The following SLC27A6 variants were observed in gnomAD, a reference collection of about 807,000 sequenced individuals.
The protein encoded by SLC27A6 is solute carrier family 27 member 6.
Under a neutral mutation model 63.9 loss-of-function variants are expected in SLC27A6, and 74 were observed. The ratio of observed to expected loss-of-function variants is 1.16; its 90% CI spans 0.96 to 1.40. SLC27A6 has a LOEUF of 1.40. Ranked by LOEUF, SLC27A6 falls within the 40% of genes most tolerant of loss-of-function variation. The probability of loss-of-function intolerance (pLI) is 0.00; values close to 1 mark genes in which losing one functional copy is unlikely to be tolerated. For synonymous variants in SLC27A6, 287 were observed against 260.8 expected (o/e 1.10, Z -0.97); for missense variants, 794 against 732.9 (o/e 1.08, Z -0.96).
At chr5:129,023,332 G>A (rs1752135659) in intron 5 of SLC27A6, among the ~76,000 whole-genome samples, 3 of 152,168 alleles carry the variant, frequency 2.0e-5, no homozygotes, top group Admixed American at 2.0e-4. Context: ...TGCCTGGATT[G>A]TTTCAGTATC....
At chr5:128,973,839 C>G (rs763696154) in intron 1 of SLC27A6, among the ~76,000 whole-genome samples, 2 of 152,228 alleles carry the variant, frequency 1.3e-5, no homozygotes, top group South Asian at 2.1e-4. Context: ...GCAGAAATCA[C>G]CTGTCTTCTG....
chr5:128,972,963 T>G (rs35791995), intron 1 of SLC27A6, among the ~76,000 whole-genome samples: 37,024 of 152,212 alleles, frequency 0.24, 5,187 homozygotes, highest in Non-Finnish European at 0.31. Flanking sequence ...GTGGATGTCC[T>G]TTTTGTTGGT....
At chr5:129,011,778 T>C (rs907082436) in intron 4 of SLC27A6, among the ~76,000 whole-genome samples, 2 of 152,188 alleles carry the variant, frequency 1.3e-5, no homozygotes, top group Admixed American at 1.3e-4. Context: ...AACCTGCCCT[T>C]TCTTTATATC....
Position 129,017,197 on chromosome 5 carries a change from G to GT in SLC27A6, c.1164+1119dup, listed in dbSNP as rs561496255. ...TTACAAAAGTTACTGGGCCAGTTAG[G>GT]TAATTCCAACAAATTTCAAAGGATT... On this transcript the variant is annotated intron_variant, in intron 5 of 9. Coordinates refer to ENST00000262462, the MANE Select transcript of SLC27A6 (RefSeq NM_001017372.3). Among the ~76,000 whole-genome samples, 165 of 152,094 alleles carry GT rather than the reference G, an allele frequency of 1.1e-3. 1 individual carries two copies. The highest frequency in any genetic ancestry group is 6.8e-3 in the Middle Eastern group (2 of 294).
Position 128,966,608 on chromosome 5 carries a change from G to C in SLC27A6, c.471G>C (p.Val157=). 3 of 1,521,800 alleles carry C rather than the reference G, an allele frequency of 2.0e-6. No homozygotes were observed. Among genetic ancestry groups the C allele is most frequent in the African/African-American group, 1.4e-5 (1 of 72,278 alleles). 94.3% of individuals were successfully genotyped at this position (1,521,800 alleles called of 1,614,324 possible). Residue 157 remains valine, a synonymous_variant, in exon 1 of 10, where the codon GTG becomes GTC. Transcript: ENST00000262462. ...CIRACGPRAL[V]VGADLLGTVE... is the part of the protein sequence containing the mutation. ...GCGCCTGTGGGCCCAGAGCCCTAGT[G>C]GTGGGCGCAGGTAGAGTATGGGGTG...
chr5:129,025,531 A>G (rs939896830), intron 6 of SLC27A6, among the ~76,000 whole-genome samples: 6 of 151,944 alleles, frequency 3.9e-5, no homozygotes, highest in East Asian at 1.9e-4. Context: ...CAGTTTTTTC[A>G]CCTTAAAATG....
chr5:128,983,606 A>G lies in SLC27A6; in HGVS notation c.482-1527A>G, dbSNP rs142784058. ...CACCGGGCCTGGCCAATCTGTATCT[A>G]TTTTACATTTAGCACCATTATTTTT... On this transcript the variant is annotated intron_variant, in intron 1 of 9. Transcript: ENST00000262462. Among the ~76,000 whole-genome samples the G allele has an allele frequency of 1.6e-3, 244 of 151,986 alleles. 2 individuals are homozygous for G. The highest frequency in any genetic ancestry group is 4.8e-3 in the African/African-American group (199 of 41,498).
chr5:128,991,243 G>A lies in SLC27A6; in HGVS notation c.969+779G>A, dbSNP rs559441708. ...ACCTGATTGGCCGGGTGTGAGCTGA[G>A]TTACAAGCCCCATGTTTAAAGGTAG... is the stretch of plus-strand genomic sequence containing the variant. On this transcript the variant is annotated intron_variant, in intron 4 of 9. Coordinates refer to ENST00000262462, the MANE Select transcript of SLC27A6 (RefSeq NM_001017372.3). 6.0e-4 allele frequency among the ~76,000 whole-genome samples: 91 copies of A among 152,288 alleles called. 1 individual carries two copies. The highest frequency in any genetic ancestry group is 2.1e-3 in the African/African-American group (87 of 41,564).
At chr5:129,023,185 G>A (rs1210579460) in intron 5 of SLC27A6, among the ~76,000 whole-genome samples, 1 of 151,706 alleles carries the variant, frequency 6.6e-6, no homozygotes, top group Non-Finnish European at 1.5e-5. Flanking sequence ...GATACTGTGA[G>A]GAAAAAATAA....
intron 4 of SLC27A6, among the ~76,000 whole-genome samples, chr5:129,007,740 A>G (rs985285666): frequency 1.1e-4 from 17 of 152,068 alleles, no homozygotes; most frequent in Non-Finnish European, 1.9e-4. Flanking sequence ...ATCCATAAAA[A>G]TATTTACAAC....
rs951864843 is a variant in SLC27A6, at chr5:128,966,054, C to T, written c.-84C>T. 91 of 1,475,590 alleles carry T rather than the reference C, an allele frequency of 6.2e-5. No individual in the cohort carries two copies. Among genetic ancestry groups the T allele is most frequent in the Non-Finnish European group, 7.0e-5 (77 of 1,107,340 alleles). The allele number at this position is 1,475,590 out of a possible 1,614,324, so 91.4% of individuals were successfully genotyped here. On this transcript the variant is annotated 5_prime_UTR_variant, in exon 1 of 10. Coordinates refer to ENST00000262462, the MANE Select transcript of SLC27A6 (RefSeq NM_001017372.3). Reference sequence around the variant, plus strand: ...GTAAGCCCTGAGTAGTGAGGATCTGCGGTCTCCGTGGAGAGCTGTGCCTGG... The same window carrying T: ...GTAAGCCCTGAGTAGTGAGGATCTGTGGTCTCCGTGGAGAGCTGTGCCTGG...
chr5:128,987,884 A>G (rs1750844726), intron 2 of SLC27A6, among the ~76,000 whole-genome samples: 1 of 152,172 alleles, frequency 6.6e-6, no homozygotes. Context: ...TTTTGTTTTC[A>G]AATTCAAAAA....
chr5:128,975,088 C>T (rs879760836), intron 1 of SLC27A6, among the ~76,000 whole-genome samples: 17 of 152,184 alleles, frequency 1.1e-4, no homozygotes, highest in South Asian at 2.1e-4. Flanking sequence ...TGGTGGCTCA[C>T]GCCTGTAATC....
chr5:129,019,490 G>A lies in SLC27A6; in HGVS notation c.1164+3411G>A, dbSNP rs889900501. Among the ~76,000 whole-genome samples, 3 of 151,706 alleles carry A rather than the reference G, an allele frequency of 2.0e-5. No homozygotes were observed. The East Asian group carries it at 5.8e-4, about 29-fold the overall frequency. ...AAGGCAGCTGGAAAAAAAAATGAATGCACATCAAAATAGTAAGTTCCCCAA... is the reference window on the plus strand; with the variant it reads ...AAGGCAGCTGGAAAAAAAAATGAATACACATCAAAATAGTAAGTTCCCCAA... On this transcript the variant is annotated intron_variant, in intron 5 of 9. Coordinates refer to ENST00000262462, the MANE Select transcript of SLC27A6 (RefSeq NM_001017372.3).
intron 4 of SLC27A6, among the ~76,000 whole-genome samples, chr5:129,007,299 C>T (rs567914814): frequency 8.6e-5 from 13 of 151,704 alleles, no homozygotes; most frequent in African/African-American, 2.9e-4. Flanking sequence ...CAAAAATTAG[C>T]CAGGTGTGGT....
At chr5:128,996,278 G>C (rs1176094191) in intron 4 of SLC27A6, among the ~76,000 whole-genome samples, 1 of 151,984 alleles carries the variant, frequency 6.6e-6, no homozygotes, top group Non-Finnish European at 1.5e-5. Context: ...TCAAGGCATA[G>C]TCTATACTTA....
intron 4 of SLC27A6, among the ~76,000 whole-genome samples, chr5:129,011,788 C>T (rs895172558): frequency 6.6e-6 from 1 of 152,058 alleles, no homozygotes; most frequent in Non-Finnish European, 1.5e-5. Context: ...TTCTTTATAT[C>T]TGAGAAAGAG....
At chr5:129,006,069 C>CTGTTTTTTT (rs1751513011) in intron 4 of SLC27A6, among the ~76,000 whole-genome samples, 1 of 64,850 alleles carries the variant, frequency 1.5e-5, no homozygotes, top group Non-Finnish European at 2.6e-5. Context: ...CCTGTGCACA[C>CTGTTTTTTT]TGTTTTTTTT....
chr5:128,992,306 G>A (rs1580718748), intron 4 of SLC27A6, among the ~76,000 whole-genome samples: 1 of 152,064 alleles, frequency 6.6e-6, no homozygotes, highest in East Asian at 1.9e-4. Flanking sequence ...ATCTGCTTAA[G>A]GCATGAATGG....
Sources: gnomAD v4.1 joint callset for allele counts (sites outside exome capture counted in the v4.1 genomes callset) on GRCh38, gnomAD v4.1.1 for gene constraint, MANE v1.5 for transcripts, NCBI Gene and HGNC (gene_info 2026-07-23, HGNC 2026-07-21) for gene names.